FBXO11: variants seen among roughly 807,000 people sequenced by gnomAD.
FBXO11 encodes the protein F-box only protein 11.
FBXO11 carries 13 observed loss-of-function variants against 117.0 expected under a neutral mutation model. The ratio of observed to expected loss-of-function variants is 0.11; its 90% CI spans 0.07 to 0.18. The LOEUF is 0.18. Among genes scored for constraint, FBXO11 ranks in the 10% least tolerant of loss-of-function variants. The pLI is 1.00. For synonymous variants in FBXO11, 490 were observed against 380.5 expected, an observed-to-expected ratio of 1.29 and a Z score of -3.35; for missense variants, 767 against 1,164.4, an observed-to-expected ratio of 0.66 and a Z score of 4.97.
chr2:47,821,090 G>A (rs917121555), intron 13 of FBXO11, among the ~76,000 whole-genome samples: 4 of 152,234 alleles, frequency 2.6e-5, no homozygotes, highest in Non-Finnish European at 5.9e-5. Context: ...GGAAACTGCA[G>A]ATATTCCTTG....
chr2:47,819,130 T>TTA, intron 14 of FBXO11, 52 bp from the exon 15 acceptor site: 2 of 1,574,888 alleles, frequency 1.3e-6, no homozygotes, highest in South Asian at 2.3e-5. Context: ...AGCAAGGCGT[T>TTA]TATAGTCTGT....
At chr2:47,877,263 G>A (rs1278861782) in intron 1 of FBXO11, among the ~76,000 whole-genome samples, 1 of 151,826 alleles carries the variant, frequency 6.6e-6, no homozygotes, top group Admixed American at 6.6e-5. Flanking sequence ...TTCTTTTATG[G>A]CAATTATTCC....
chr2:47,838,256 T>C (rs1483470798), intron 4 of FBXO11, among the ~76,000 whole-genome samples: 3 of 151,958 alleles, frequency 2.0e-5, no homozygotes, highest in African/African-American at 4.8e-5. Context: ...GAAAATCTCT[T>C]TGTAAAAATT....
intron 1 of FBXO11, among the ~76,000 whole-genome samples, chr2:47,892,781 A>C (rs571086650): frequency 1.4e-4 from 21 of 152,368 alleles, no homozygotes; most frequent in African/African-American, 5.0e-4. Context: ...CAAAACAATG[A>C]ATATAATGAA....
chr2:47,891,017 T>A (rs1445223329), intron 1 of FBXO11, among the ~76,000 whole-genome samples: 4 of 149,802 alleles, frequency 2.7e-5, no homozygotes, highest in Non-Finnish European at 4.4e-5. Flanking sequence ...AGAGATGGAG[T>A]CTCCCTATGT....
chr2:47,834,917 C>G lies in FBXO11; in HGVS notation c.718-46G>C, dbSNP rs777474428. 16 of 1,326,312 alleles carry G rather than the reference C, an allele frequency of 1.2e-5. No individual in the cohort carries two copies. In the Admixed American group the frequency reaches 3.4e-4, roughly 28 times the overall value. The allele number at this position is 1,326,312 out of a possible 1,614,324, so 82.2% of individuals were successfully genotyped here. A position where few individuals can be genotyped will look rare whatever the true frequency, so the allele number is the denominator to read the frequency against. ...CAAAACCATTGACTACTAACATAAA[C>G]CTTATATTTAAATTAATGTACAATT... On this transcript the variant is annotated intron_variant, in intron 5 of 22. Coordinates refer to ENST00000403359, the MANE Select transcript of FBXO11 (RefSeq NM_001190274.2).
intron 14 of FBXO11, 44 bp from the exon 15 acceptor site, chr2:47,819,122 C>A: frequency 1.3e-6 from 2 of 1,594,902 alleles, no homozygotes; most frequent in Non-Finnish European, 1.7e-6. Context: ...CTTCTATAAG[C>A]AAGGCGTTTA....
intron 1 of FBXO11, among the ~76,000 whole-genome samples, chr2:47,847,847 C>G (rs1052796896): frequency 6.6e-6 from 1 of 151,274 alleles, no homozygotes. Flanking sequence ...CACATATGGC[C>G]AGGCACAGTG....
intron 5 of FBXO11, among the ~76,000 whole-genome samples, chr2:47,835,606 T>TCC (rs1490557436): frequency 6.6e-6 from 1 of 152,132 alleles, no homozygotes; most frequent in Non-Finnish European, 1.5e-5. Context: ...CAAGTGATTC[T>TCC]CCTGCCTTAG....
chr2:47,885,921 T>C (rs964198869), intron 1 of FBXO11, among the ~76,000 whole-genome samples: 3 of 151,788 alleles, frequency 2.0e-5, no homozygotes, highest in Non-Finnish European at 4.4e-5. Flanking sequence ...CCACTATCTC[T>C]GAACAGTCCT....
chr2:47,833,220 C>T (rs1315059220), intron 7 of FBXO11, 150 bp from the exon 8 acceptor site: 6 of 609,378 alleles, frequency 9.8e-6, no homozygotes, highest in Non-Finnish European at 1.7e-5. Flanking sequence ...TCAGCCTTTG[C>T]TATATTCAAA....
intron 11 of FBXO11, among the ~76,000 whole-genome samples, chr2:47,826,304 G>A (rs543418928): frequency 3.3e-5 from 5 of 152,128 alleles, no homozygotes; most frequent in South Asian, 2.1e-4. Flanking sequence ...TGATCCACCC[G>A]CCTCGGCCTC....
In FBXO11 at chr2:47,816,066, G is replaced by A. The variant is rs575047368; in HGVS notation, c.2007-2199C>T. Among the ~76,000 whole-genome samples, 6 of 152,322 alleles carry A rather than the reference G, an allele frequency of 3.9e-5. No homozygotes were observed. In the South Asian group the frequency reaches 1.2e-3, roughly 32 times the overall value. ...TAGATCAGCCTGCCCCATGGCCAAGGGCGGTGAGAACCCTGGCGACCCCTT... is the reference window on the plus strand; with the variant it reads ...TAGATCAGCCTGCCCCATGGCCAAGAGCGGTGAGAACCCTGGCGACCCCTT... On this transcript the variant is annotated intron_variant, in intron 16 of 22. Transcript: ENST00000403359.
intron 1 of FBXO11, among the ~76,000 whole-genome samples, chr2:47,899,599 A>G (rs540880901): frequency 1.3e-5 from 2 of 152,318 alleles, no homozygotes; most frequent in African/African-American, 2.4e-5. Context: ...ATTAGAACCC[A>G]TATCTAGCTA....
intron 21 of FBXO11, 53 bp from the exon 22 acceptor site, chr2:47,808,480 C>T: frequency 1.4e-6 from 2 of 1,457,152 alleles, no homozygotes; most frequent in African/African-American, 1.4e-5. Context: ...TAATGCAAAA[C>T]ATTCCATTCT....
intron 1 of FBXO11, among the ~76,000 whole-genome samples, chr2:47,874,486 T>C (rs1245080683): frequency 6.6e-6 from 1 of 151,962 alleles, no homozygotes; most frequent in Admixed American, 6.6e-5. Context: ...ATACAGCAAA[T>C]ACCTCTTTGT....
intron 1 of FBXO11, among the ~76,000 whole-genome samples, chr2:47,877,710 A>C (rs997234940): frequency 1.3e-5 from 2 of 152,092 alleles, no homozygotes; most frequent in Non-Finnish European, 2.9e-5. Flanking sequence ...TTTGAGATGG[A>C]GTCTCGCTTT....
chr2:47,895,930 C>T (rs141294582), intron 1 of FBXO11, among the ~76,000 whole-genome samples: 3 of 152,116 alleles, frequency 2.0e-5, no homozygotes, highest in East Asian at 1.9e-4. Flanking sequence ...CTCCTGACCT[C>T]GTGATCCACT....
At chr2:47,812,980 A>T in intron 18 of FBXO11, 1 of 478,276 alleles carries the variant, frequency 2.1e-6, no homozygotes, top group Non-Finnish European at 3.8e-6. Context: ...AAAGGTCCAG[A>T]GAATGTAAAC....
Sources: gnomAD v4.1 joint callset for allele counts (sites outside exome capture counted in the v4.1 genomes callset) on GRCh38, gnomAD v4.1.1 for gene constraint, MANE v1.5 for transcripts, NCBI Gene and HGNC (gene_info 2026-07-23, HGNC 2026-07-21) for gene names.